CNOT6L: variants seen among roughly 807,000 people sequenced by gnomAD.
The protein encoded by CNOT6L is CCR4-NOT transcription complex subunit 6 like.
In CNOT6L, 7 loss-of-function variants were observed where a neutral mutation model predicts 64.0. The observed-to-expected ratio is 0.11, with a 90% confidence interval of 0.06 to 0.21. The LOEUF (loss-of-function observed/expected upper bound fraction) is 0.21, where lower values mean the gene tolerates loss of function less well. Ranked by LOEUF, CNOT6L falls within the 10% of genes least tolerant of loss-of-function variation. The pLI is 1.00. For missense variants in CNOT6L, 245 were observed against 669.0 expected (o/e 0.37, Z 6.99); for synonymous variants, 193 against 243.4 (o/e 0.79, Z 1.93).
intron 1 of CNOT6L, among the ~76,000 whole-genome samples, chr4:77,785,773 C>T (rs1313171839): frequency 6.6e-6 from 1 of 152,060 alleles, no homozygotes; most frequent in African/African-American, 2.4e-5. Context: ...GGTCTGCATG[C>T]ACACGCACAA....
chr4:77,811,073 G>A (rs1732879296), intron 1 of CNOT6L, among the ~76,000 whole-genome samples: 1 of 152,094 alleles, frequency 6.6e-6, no homozygotes, highest in Non-Finnish European at 1.5e-5. Context: ...TTATGATTTA[G>A]TATCTTCTCT....
At chr4:77,771,906 T>C (rs1294717397) in intron 4 of CNOT6L, among the ~76,000 whole-genome samples, 1 of 152,172 alleles carries the variant, frequency 6.6e-6, no homozygotes, top group East Asian at 1.9e-4. Context: ...CAGAAGAAAA[T>C]GTTTAACTAA....
chr4:77,801,035 A>G (rs1439463396), intron 1 of CNOT6L, among the ~76,000 whole-genome samples: 2 of 152,202 alleles, frequency 1.3e-5, no homozygotes, highest in Non-Finnish European at 2.9e-5. Context: ...TATTGAGCAG[A>G]AAGGTTAGAA....
At chr4:77,737,784 A>G (rs1385768397) in intron 8 of CNOT6L, among the ~76,000 whole-genome samples, 4 of 152,126 alleles carry the variant, frequency 2.6e-5, no homozygotes, top group South Asian at 2.1e-4. Flanking sequence ...AGAAACCTCT[A>G]AAGTGGAACA....
intron 8 of CNOT6L, among the ~76,000 whole-genome samples, chr4:77,738,579 C>T (rs1209014394): frequency 6.6e-6 from 1 of 151,902 alleles, no homozygotes. Flanking sequence ...CATGGAGAAA[C>T]CCTGTCTCTA....
intron 7 of CNOT6L, among the ~76,000 whole-genome samples, chr4:77,743,682 A>G (rs2109948243): frequency 7.5e-6 from 1 of 132,616 alleles, no homozygotes; most frequent in Non-Finnish European, 1.5e-5. Context: ...GATCACTGCA[A>G]CCTCTGCTTC....
chr4:77,757,855 C>CA (rs1243400680), intron 4 of CNOT6L, among the ~76,000 whole-genome samples: 19 of 152,244 alleles, frequency 1.2e-4, no homozygotes, highest in African/African-American at 4.1e-4. Context: ...TGCCCGCCAC[C>CA]ACGCCCACTA....
intron 1 of CNOT6L, among the ~76,000 whole-genome samples, chr4:77,799,303 T>TA (rs1182674995): frequency 1.3e-5 from 2 of 152,182 alleles, no homozygotes; most frequent in Non-Finnish European, 2.9e-5. Context: ...CACGCACCTG[T>TA]AGTCCCAACT....
chr4:77,783,168 A>C (rs1045127978), intron 1 of CNOT6L, among the ~76,000 whole-genome samples: 4 of 151,280 alleles, frequency 2.6e-5, no homozygotes, highest in African/African-American at 7.3e-5. Context: ...AAAAAAAAAA[A>C]AACACATGTT....
chr4:77,797,233 T>TAA (rs111896263), intron 1 of CNOT6L, among the ~76,000 whole-genome samples: 14 of 142,562 alleles, frequency 9.8e-5, no homozygotes, highest in Non-Finnish European at 1.7e-4. Context: ...TCATACTATA[T>TAA]AAAAAAAAAA....
At chr4:77,791,428 C>A in intron 1 of CNOT6L, among the ~76,000 whole-genome samples, 1 of 151,072 alleles carries the variant, frequency 6.6e-6, no homozygotes, top group African/African-American at 2.4e-5. Context: ...AAAAAAAAAG[C>A]AAAGATTAAT....
At chr4:77,804,149 C>G (rs895028249) in intron 1 of CNOT6L, among the ~76,000 whole-genome samples, 1 of 151,872 alleles carries the variant, frequency 6.6e-6, no homozygotes, top group Non-Finnish European at 1.5e-5. Context: ...AAATATTGGC[C>G]GGGCACAGTG....
At chr4:77,805,877 T>C (rs1247159426) in intron 1 of CNOT6L, among the ~76,000 whole-genome samples, 1 of 152,100 alleles carries the variant, frequency 6.6e-6, no homozygotes, top group Non-Finnish European at 1.5e-5. Flanking sequence ...TATTCAAGCA[T>C]AAAGTAAGCA....
rs575797621 is a variant in CNOT6L, at chr4:77,715,154, T to A, written c.*5277A>T. 1 of 152,206 alleles carries A rather than the reference T, an allele frequency of 6.6e-6. No homozygotes were observed. Among genetic ancestry groups the A allele is most frequent in the Admixed American group, 6.6e-5 (1 of 15,264 alleles). 9.4% of individuals were successfully genotyped at this position (152,206 alleles called of 1,614,324 possible). On this transcript the variant is annotated 3_prime_UTR_variant, in exon 12 of 12. Transcript: ENST00000504123. ...GAAAATTATCTAAATTTTGAGAGAT[T>A]GTTCTAACAAAAATAACTAGTACTA... is the stretch of plus-strand genomic sequence containing the variant.
chr4:77,729,804 A>G (rs1722244909), intron 9 of CNOT6L, among the ~76,000 whole-genome samples: 1 of 152,094 alleles, frequency 6.6e-6, no homozygotes, highest in Non-Finnish European at 1.5e-5. Flanking sequence ...ATAAACATTA[A>G]CATAGTACTT....
chr4:77,729,337 G>A (rs2109884704), intron 9 of CNOT6L, among the ~76,000 whole-genome samples: 1 of 152,276 alleles, frequency 6.6e-6, no homozygotes, highest in Admixed American at 6.5e-5. Context: ...CACAAATTTG[G>A]TATAGCCCTT....
Position 77,714,433 on chromosome 4 carries a change from C to G in CNOT6L, c.*5998G>C, listed in dbSNP as rs1419259218. 2 of 92,998 alleles carry G rather than the reference C, an allele frequency of 2.2e-5. No homozygotes were observed. The highest frequency in any genetic ancestry group is 4.1e-5 in the Non-Finnish European group (2 of 48,696). The allele number at this position is 92,998 out of a possible 1,614,324, so 5.8% of individuals were successfully genotyped here. ...TAGAGAGAAAAAGTACATACACACT[C>G]TCTTTAAAAAAAAAAAAAAAAAAAA... On this transcript the variant is annotated 3_prime_UTR_variant, in exon 12 of 12. Transcript: ENST00000504123.
chr4:77,724,191 A>G (rs1198426206), intron 11 of CNOT6L, among the ~76,000 whole-genome samples: 1 of 151,456 alleles, frequency 6.6e-6, no homozygotes, highest in East Asian at 1.9e-4. Context: ...ACCCCTCAAA[A>G]ATACAAAAAT....
At chr4:77,751,884 A>C (rs1048844499) in intron 5 of CNOT6L, among the ~76,000 whole-genome samples, 1 of 152,204 alleles carries the variant, frequency 6.6e-6, no homozygotes, top group African/African-American at 2.4e-5. Context: ...AAAATAGCTA[A>C]AAGAGGGCCA....
Sources: gnomAD v4.1 joint callset for allele counts (sites outside exome capture counted in the v4.1 genomes callset) on GRCh38, gnomAD v4.1.1 for gene constraint, MANE v1.5 for transcripts, NCBI Gene and HGNC (gene_info 2026-07-23, HGNC 2026-07-21) for gene names.